CNTNAP5: variants seen among roughly 807,000 people sequenced by gnomAD.
CNTNAP5 encodes the protein contactin-associated protein-like 5.
A neutral mutation model predicts 150.2 loss-of-function variants in CNTNAP5; 72 were observed. That is an observed-to-expected ratio of 0.48 (90% CI 0.40 to 0.58). CNTNAP5 has a LOEUF of 0.58. CNTNAP5 is among the 20% of genes least tolerant of loss of function. The pLI is 0.00. For synonymous variants in CNTNAP5, 672 were observed against 619.8 expected (o/e 1.08, Z -1.25); for missense variants, 1,636 against 1,626.2 (o/e 1.01, Z -0.10).
intron 1 of CNTNAP5, among the ~76,000 whole-genome samples, chr2:124,189,061 A>G (rs893429415): frequency 6.6e-6 from 1 of 152,194 alleles, no homozygotes; most frequent in Non-Finnish European, 1.5e-5. Context: ...AATATTTAGG[A>G]AACACATATT....
At chr2:124,294,884 G>T (rs1169808127) in intron 3 of CNTNAP5, among the ~76,000 whole-genome samples, 3 of 152,108 alleles carry the variant, frequency 2.0e-5, no homozygotes, top group Non-Finnish European at 4.4e-5. Context: ...GAGGCGGGCG[G>T]ATCACAAGGT....
chr2:124,219,716 A>G (rs911097620), intron 1 of CNTNAP5, among the ~76,000 whole-genome samples: 5 of 152,190 alleles, frequency 3.3e-5, no homozygotes, highest in Admixed American at 3.3e-4. Flanking sequence ...GTTGAATATA[A>G]TTTAATAAGT....
At chr2:124,561,040 C>A (rs2104928549) in intron 10 of CNTNAP5, among the ~76,000 whole-genome samples, 1 of 151,438 alleles carries the variant, frequency 6.6e-6, no homozygotes, top group Non-Finnish European at 1.5e-5. Flanking sequence ...AAGGCAATTT[C>A]TTGTTTTGTT....
chr2:124,433,149 T>TGGCA, intron 4 of CNTNAP5, among the ~76,000 whole-genome samples: 1 of 152,164 alleles, frequency 6.6e-6, no homozygotes, highest in East Asian at 1.9e-4. Flanking sequence ...CCATGAGTGG[T>TGGCA]GGCAGCTGTT....
intron 11 of CNTNAP5, among the ~76,000 whole-genome samples, chr2:124,575,582 T>G (rs1457815109): frequency 6.6e-6 from 1 of 152,240 alleles, no homozygotes; most frequent in Non-Finnish European, 1.5e-5. Context: ...GGAATGTTCT[T>G]CCTGACTTGT....
intron 1 of CNTNAP5, among the ~76,000 whole-genome samples, chr2:124,040,087 T>C (rs1456543290): frequency 1.3e-5 from 2 of 152,180 alleles, no homozygotes; most frequent in Non-Finnish European, 2.9e-5. Context: ...ATCTACTTAT[T>C]TTCTGAAATC....
At chr2:124,042,075 G>A (rs1681387751) in intron 1 of CNTNAP5, among the ~76,000 whole-genome samples, 2 of 152,086 alleles carry the variant, frequency 1.3e-5, no homozygotes, top group African/African-American at 4.8e-5. Flanking sequence ...TGGCCAGGCT[G>A]GTCTTACACT....
At chr2:124,867,998 G>A (rs571233562) in intron 20 of CNTNAP5, among the ~76,000 whole-genome samples, 11 of 152,048 alleles carry the variant, frequency 7.2e-5, no homozygotes, top group Non-Finnish European at 1.6e-4. Context: ...TCAAAATTGT[G>A]GTATTCTCCT....
In CNTNAP5 at chr2:124,504,256, A is replaced by G. The variant is rs1201401173; in HGVS notation, c.1063-36A>G. The G allele has an allele frequency of 3.1e-6, 5 of 1,594,382 alleles. No homozygotes were observed. The South Asian group carries it at 4.4e-5, about 14-fold the overall frequency. On this transcript the variant is annotated intron_variant, in intron 7 of 23. Transcript: ENST00000682447. Reference sequence around the variant, plus strand: ...CAGCTGTCAGATTGCGGAATAAAAAATGGCTTTTATATGTTTGACTTTTAT... The same window carrying G: ...CAGCTGTCAGATTGCGGAATAAAAAGTGGCTTTTATATGTTTGACTTTTAT...
intron 11 of CNTNAP5, among the ~76,000 whole-genome samples, chr2:124,603,635 A>C (rs1027049787): frequency 6.6e-6 from 1 of 152,182 alleles, no homozygotes; most frequent in Non-Finnish European, 1.5e-5. Context: ...ATTCAAATAC[A>C]TTTATACAAG....
intron 11 of CNTNAP5, among the ~76,000 whole-genome samples, chr2:124,587,206 A>G (rs1269976177): frequency 6.6e-6 from 1 of 152,156 alleles, no homozygotes; most frequent in East Asian, 1.9e-4. Context: ...TCCATGTGCT[A>G]TAATCATCTG....
At chr2:124,726,374 T>G (rs1351397842) in intron 13 of CNTNAP5, among the ~76,000 whole-genome samples, 1 of 152,082 alleles carries the variant, frequency 6.6e-6, no homozygotes, top group Non-Finnish European at 1.5e-5. Flanking sequence ...CAATATCTAA[T>G]GGTTTAAAAG....
At chr2:124,644,984 T>A (rs531777289) in intron 12 of CNTNAP5, among the ~76,000 whole-genome samples, 10 of 152,344 alleles carry the variant, frequency 6.6e-5, no homozygotes, top group African/African-American at 2.4e-4. Context: ...TGTGCTGGAA[T>A]AAACCAGTAG....
At chr2:124,435,457 G>C (rs1692506771) in intron 5 of CNTNAP5, among the ~76,000 whole-genome samples, 2 of 151,432 alleles carry the variant, frequency 1.3e-5, no homozygotes, top group African/African-American at 4.9e-5. Context: ...CAGTTCCCAA[G>C]GATGCAAACA....
chr2:124,131,620 G>T (rs1441306173), intron 1 of CNTNAP5, among the ~76,000 whole-genome samples: 1 of 152,142 alleles, frequency 6.6e-6, no homozygotes, highest in Non-Finnish European at 1.5e-5. Flanking sequence ...AGTTCTGGCG[G>T]CTCCATGCAG....
rs187222640 is a variant in CNTNAP5 at position 124,766,059 on chromosome 2, C to G, written c.2533+1912C>G. Among the ~76,000 whole-genome samples, 715 of 152,256 alleles carry G rather than the reference C, an allele frequency of 4.7e-3. 6 individuals carry two copies. The highest frequency in any genetic ancestry group is 0.014 in the African/African-American group (596 of 41,554). ...TGTTTGGTGAAGGGATGTTTTATCA[C>G]TAACATTGCTTAGAATTACTTGTGT... On this transcript the variant is annotated intron_variant, in intron 16 of 23. Coordinates refer to ENST00000682447, the MANE Select transcript of CNTNAP5 (RefSeq NM_001367498.1).
intron 1 of CNTNAP5, among the ~76,000 whole-genome samples, chr2:124,142,567 A>G (rs1401786660): frequency 1.5e-5 from 2 of 136,844 alleles, no homozygotes; most frequent in Non-Finnish European, 3.1e-5. Context: ...TGAAGGCAGA[A>G]ATAAAGATGT....
At chr2:124,679,494 G>A (rs988558221) in intron 13 of CNTNAP5, among the ~76,000 whole-genome samples, 19 of 151,770 alleles carry the variant, frequency 1.3e-4, no homozygotes, top group South Asian at 1.0e-3. Flanking sequence ...AAACTGAGGC[G>A]CTTTTTCCAA....
chr2:124,218,525 A>G (rs1686220212), intron 1 of CNTNAP5, among the ~76,000 whole-genome samples: 1 of 152,188 alleles, frequency 6.6e-6, no homozygotes, highest in South Asian at 2.1e-4. Context: ...TCAAATGCAT[A>G]GGGTCTATGA....
Sources: allele counts gnomAD v4.1 joint callset (sites outside exome capture counted in the v4.1 genomes callset), GRCh38; gene constraint gnomAD v4.1.1; transcripts MANE v1.5; gene names NCBI Gene and HGNC (gene_info 2026-07-23, HGNC 2026-07-21).